Variants in MTMR3 observed in about 807,000 individuals in gnomAD.
MTMR3 encodes phosphatidylinositol-3,5-bisphosphate 3-phosphatase MTMR3.
A neutral mutation model predicts 132.4 loss-of-function variants in MTMR3; 32 were observed. The observed-to-expected ratio is 0.24, with a 90% CI of 0.18 to 0.32. The LOEUF is 0.32. MTMR3 is among the 10% of genes least tolerant of loss of function. The pLI is 1.00. For synonymous variants in MTMR3, 556 were observed against 550.3 expected, an observed-to-expected ratio of 1.01 and a Z score of -0.14; for missense variants, 1,216 against 1,489.6, an observed-to-expected ratio of 0.82 and a Z score of 3.02.
At position 30,026,338 on chromosome 22, in the gene MTMR3, CGAG is replaced by C. The variant is rs2067910880; in HGVS notation, c.*541_*543del. On this transcript the variant is annotated 3_prime_UTR_variant, in exon 20 of 20. Coordinates refer to ENST00000401950, the MANE Select transcript of MTMR3 (RefSeq NM_021090.4). ...TGCCCTGGGCATCATCTCCCTCCTG[CGAG>C]GAGCTGAGCCAGTCCCCTCACAGAT... 1 of 154,954 alleles carries C rather than the reference CGAG, an allele frequency of 6.5e-6. No homozygotes were observed. The highest frequency in any genetic ancestry group is 2.4e-5 in the African/African-American group (1 of 41,492). The allele number at this position is 154,954 out of a possible 1,614,324, so 9.6% of individuals were successfully genotyped here.
chr22:29,890,020 C>T (rs1442705115), intron 1 of MTMR3, among the ~76,000 whole-genome samples: 1 of 150,994 alleles, frequency 6.6e-6, no homozygotes, highest in Admixed American at 6.6e-5. Flanking sequence ...GATTCTCCTG[C>T]CTCAGCCTCC....
rs1266049740 is a variant in MTMR3, at chr22:29,892,730, T to TA, written c.-138+9372dup. The stretch of plus-strand genomic sequence containing the variant: ...GCAGAGAAAGATAATACTAAAATCT[T>TA]AGAGACTGTGAAAAGAGATTATATT... On this transcript the variant is annotated intron_variant, in intron 1 of 19. Transcript: ENST00000401950. Among the ~76,000 whole-genome samples the TA allele has an allele frequency of 2.0e-5, 3 of 152,208 alleles. No homozygotes were observed. In the East Asian group the frequency reaches 5.8e-4, roughly 29 times the overall value.
Position 30,012,506 on chromosome 22 carries a change from C to G in MTMR3, c.1260C>G (p.Thr420=). 1 of 1,613,868 alleles carries G rather than the reference C, an allele frequency of 6.2e-7. No homozygotes were observed. Among genetic ancestry groups the G allele is most frequent in the Non-Finnish European group, 8.5e-7 (1 of 1,179,978 alleles). ...ACTGCTCAGATGGCTGGGACCGCAC[C>G]CCCCAGATTGTGGCATTGGCTAAGC... is the stretch of plus-strand genomic sequence containing the variant. ...LVHCSDGWDR[T]PQIVALAKLL... The change falls in exon 13 of 20, where the codon ACC becomes ACG. Residue 420 remains threonine (T), a synonymous_variant. Transcript: ENST00000401950.
chr22:29,994,287 T>C (rs1490899522), intron 7 of MTMR3: 4 of 272,836 alleles, frequency 1.5e-5, no homozygotes, highest in African/African-American at 2.3e-5. Flanking sequence ...TGGAATCTTG[T>C]ATTTCAGTGA....
chr22:29,892,758 G>A (rs2064824168), intron 1 of MTMR3, among the ~76,000 whole-genome samples: 2 of 152,162 alleles, frequency 1.3e-5, no homozygotes, highest in Admixed American at 1.3e-4. Context: ...ATTATATTAA[G>A]CAACTTGAGT....
chr22:30,023,820 C>A, intron 19 of MTMR3: 1 of 316,588 alleles, frequency 3.2e-6, no homozygotes, highest in Non-Finnish European at 5.9e-6. Context: ...ATTGAGATGC[C>A]AGAATAATGC....
chr22:29,982,935 G>GTTTTTTTTTTTT (rs368961635), intron 5 of MTMR3: 7 of 131,314 alleles, frequency 5.3e-5, no homozygotes, highest in African/African-American at 2.1e-4. Context: ...TTAAAAGTTT[G>GTTTTTTTTTTTT]TTTGTGTGTG....
At chr22:29,942,103 C>T (rs372885916) in intron 1 of MTMR3, among the ~76,000 whole-genome samples, 27 of 152,056 alleles carry the variant, frequency 1.8e-4, no homozygotes, top group East Asian at 1.2e-3. Context: ...AATTCACCTC[C>T]GATATTTCAC....
At chr22:29,980,356 TTCTG>T (rs1200430279) in intron 5 of MTMR3, 2 of 152,220 alleles carry the variant, frequency 1.3e-5, no homozygotes, top group Non-Finnish European at 2.9e-5. Context: ...TACATCAGTT[TTCTG>T]TCTATCAGCT....
intron 2 of MTMR3, among the ~76,000 whole-genome samples, chr22:29,964,425 T>C (rs919763480): frequency 2.0e-5 from 3 of 152,248 alleles, no homozygotes; most frequent in Admixed American, 2.0e-4. Flanking sequence ...TACTTGATTC[T>C]GATGGGTTGC....
chr22:29,958,111 T>G (rs1015441687), intron 2 of MTMR3, among the ~76,000 whole-genome samples: 1 of 152,148 alleles, frequency 6.6e-6, no homozygotes, highest in Non-Finnish European at 1.5e-5. Flanking sequence ...AAATATGAAT[T>G]TTAATGAGAA....
chr22:29,957,771 C>G (rs1322315348), intron 2 of MTMR3, among the ~76,000 whole-genome samples: 3 of 152,242 alleles, frequency 2.0e-5, no homozygotes, highest in Middle Eastern at 3.4e-3. Context: ...GTTAGTTCAG[C>G]AGTTCCCCCT....
intron 1 of MTMR3, among the ~76,000 whole-genome samples, chr22:29,902,557 T>G (rs2065022033): frequency 6.6e-6 from 1 of 152,066 alleles, no homozygotes; most frequent in South Asian, 2.1e-4. Context: ...TTAGTAGAGA[T>G]GGGGTTTCAC....
At chr22:29,975,695 C>A (rs2066615766) in intron 3 of MTMR3, among the ~76,000 whole-genome samples, 1 of 152,212 alleles carries the variant, frequency 6.6e-6, no homozygotes, top group Non-Finnish European at 1.5e-5. Flanking sequence ...CTACAGTGCA[C>A]CTCAGGTGCA....
intron 1 of MTMR3, among the ~76,000 whole-genome samples, chr22:29,889,610 A>T (rs912451953): frequency 8.6e-5 from 13 of 150,854 alleles, no homozygotes; most frequent in South Asian, 2.1e-4. Context: ...GTGTTTTTTA[A>T]AAAAAAAAGT....
intron 1 of MTMR3, among the ~76,000 whole-genome samples, chr22:29,896,218 G>A (rs1353086951): frequency 6.6e-6 from 1 of 152,160 alleles, no homozygotes; most frequent in Non-Finnish European, 1.5e-5. Flanking sequence ...GCTGAGGCAC[G>A]AGAATCGCTT....
In MTMR3 at chr22:30,019,501, C is replaced by T. The variant is rs562252372; in HGVS notation, c.1842C>T (p.Tyr614=). The change falls in exon 17 of 20, where the codon TAC becomes TAT. Residue 614 remains tyrosine (Y), a synonymous_variant. Transcript: ENST00000401950. ...TTAGGCTACCAAAGACTAGATCATACGACAATCTGACCACAGCCTGTGACA... is the reference window on the plus strand; with the variant it reads ...TTAGGCTACCAAAGACTAGATCATATGACAATCTGACCACAGCCTGTGACA... ...PLSRLPKTRS[Y]DNLTTACDNT... 3.0e-5 allele frequency: 48 copies of T among 1,606,892 alleles called. No homozygotes were observed. Among genetic ancestry groups the T allele is most frequent in the Middle Eastern group, 1.7e-4 (1 of 6,054 alleles).
At chr22:29,896,867 T>TCACA (rs1491465662) in intron 1 of MTMR3, among the ~76,000 whole-genome samples, 3 of 36,726 alleles carry the variant, frequency 8.2e-5, no homozygotes, top group Admixed American at 3.4e-4. Context: ...AACAGGCTTG[T>TCACA]CTCACACACA....
At chr22:30,025,452 T>A in intron 19 of MTMR3, 178 bp from the exon 20 acceptor site, 1 of 626,236 alleles carries the variant, frequency 1.6e-6, no homozygotes. Context: ...GTGACTCTGC[T>A]AGGTAGGGAC....
Sources: allele counts gnomAD v4.1 joint callset (sites outside exome capture counted in the v4.1 genomes callset), GRCh38; gene constraint gnomAD v4.1.1; transcripts MANE v1.5; gene names NCBI Gene and HGNC (gene_info 2026-07-23, HGNC 2026-07-21).